Variants in KIRREL3 observed in about 807,000 individuals in gnomAD.
KIRREL3 encodes the protein kirre like nephrin family adhesion molecule 3, also known as kin of IRRE-like protein 3.
Under a neutral mutation model 89.7 loss-of-function variants are expected in KIRREL3, and 36 were observed. The ratio of observed to expected loss-of-function variants is 0.40; its 90% confidence interval spans 0.31 to 0.53. The LOEUF (loss-of-function observed/expected upper bound fraction) is 0.53, where lower values mean the gene tolerates loss of function less well. KIRREL3 is among the 20% of genes least tolerant of loss of function. The pLI, the probability that KIRREL3 is intolerant of heterozygous loss-of-function variation, is 0.49. For missense variants in KIRREL3, 864 were observed against 1,056.6 expected (o/e 0.82, Z 2.53); for synonymous variants, 445 against 441.4 (o/e 1.01, Z -0.10).
chr11:126,509,719 A>T (rs552695607), intron 4 of KIRREL3, among the ~76,000 whole-genome samples: 1 of 152,302 alleles, frequency 6.6e-6, no homozygotes, highest in Non-Finnish European at 1.5e-5. Context: ...AATTGGGCCC[A>T]GCGTGGTAGC....
chr11:126,480,246 T>C (rs11220517), intron 4 of KIRREL3, among the ~76,000 whole-genome samples: 24,389 of 152,252 alleles, frequency 0.16, 2,068 homozygotes, highest in Non-Finnish European at 0.19. Flanking sequence ...TAAAAATACC[T>C]ATCTTGCAGG....
chr11:126,701,969 G>T (rs772510501), intron 1 of KIRREL3, among the ~76,000 whole-genome samples: 2 of 152,124 alleles, frequency 1.3e-5, no homozygotes, highest in Non-Finnish European at 2.9e-5. Flanking sequence ...AGTTACTTAA[G>T]ATTTGTTAGG....
In KIRREL3 at chr11:126,610,096, CT is replaced by C. The variant is rs201760353; in HGVS notation, c.56-47185del. Among the ~76,000 whole-genome samples the C allele has an allele frequency of 9.4e-4, 139 of 147,644 alleles. 1 individual carries two copies. Among genetic ancestry groups the C allele is most frequent in the African/African-American group, 2.2e-3 (90 of 40,442 alleles). On this transcript the variant is annotated intron_variant, in intron 1 of 16. Transcript: ENST00000525144. The surrounding 1 kb of genome is among the most constrained non-coding windows in gnomAD (Gnocchi z 4.6). ...CTGACTCCAAAATCTGTGCTGTTAA[CT>C]TTTTTTTTTTTGAGACAGAATTTTG...
Position 127,000,749 on chromosome 11 carries a change from A to T in KIRREL3, c.-240T>A. Reference sequence around the variant, plus strand: ...AGCCGGGATTGTCAGCAATGTCCCCACTCGGAGAAGATCCATTCTCTGGCT... The same window carrying T: ...AGCCGGGATTGTCAGCAATGTCCCCTCTCGGAGAAGATCCATTCTCTGGCT... On this transcript the variant is annotated 5_prime_UTR_variant, in exon 1 of 17. Transcript: ENST00000525144. This position sits in a 1 kb window ranked among gnomAD's most constrained non-coding sequence, Gnocchi z 7.1. The T allele has an allele frequency of 3.8e-6, 2 of 520,938 alleles. No homozygotes were observed. Among genetic ancestry groups the T allele is most frequent in the Non-Finnish European group, 6.8e-6 (2 of 295,198 alleles). 32.3% of individuals were successfully genotyped at this position (520,938 alleles called of 1,614,324 possible). A position where few individuals can be genotyped will look rare whatever the true frequency, so the allele number is the denominator to read the frequency against.
intron 4 of KIRREL3, among the ~76,000 whole-genome samples, chr11:126,504,839 G>T (rs1034180076): frequency 3.9e-5 from 6 of 152,168 alleles, no homozygotes; most frequent in Admixed American, 3.3e-4. Flanking sequence ...AGGAATTCAA[G>T]GTTGGCTTAA....
In KIRREL3 at chr11:126,705,328, C is replaced by A. The variant is rs899010673; in HGVS notation, c.56-142416G>T. Among the ~76,000 whole-genome samples, 1 of 152,094 alleles carries A rather than the reference C, an allele frequency of 6.6e-6. No homozygotes were observed. The highest frequency in any genetic ancestry group is 6.5e-5 in the Admixed American group (1 of 15,272). Reference sequence around the variant, plus strand: ...GTGGGAGGTGATTGGGTCATGAGGTCGGATTCCTCAGGAATGGTTTGGCAC... The same window carrying A: ...GTGGGAGGTGATTGGGTCATGAGGTAGGATTCCTCAGGAATGGTTTGGCAC... On this transcript the variant is annotated intron_variant, in intron 1 of 16. Transcript: ENST00000525144. The surrounding 1 kb of genome is among the most constrained non-coding windows in gnomAD (Gnocchi z 4.3).
chr11:126,586,226 G>C (rs1193556911), intron 1 of KIRREL3, among the ~76,000 whole-genome samples: 1 of 152,150 alleles, frequency 6.6e-6, no homozygotes, highest in Non-Finnish European at 1.5e-5. Context: ...AATTAGAGCG[G>C]CCACTCCTCA....
Position 126,470,009 on chromosome 11 carries a change from C to T in KIRREL3, c.591+3300G>A, listed in dbSNP as rs535762451. 2.0e-3 allele frequency among the ~76,000 whole-genome samples: 298 copies of T among 152,376 alleles called. 2 individuals are homozygous for T. The highest frequency in any genetic ancestry group is 6.9e-3 in the African/African-American group (285 of 41,592). On this transcript the variant is annotated intron_variant, in intron 5 of 16. Coordinates refer to ENST00000525144, the MANE Select transcript of KIRREL3 (RefSeq NM_032531.4). ...TGCGACTGCCTGGCGCTGCCGTTCCCGTCACAGGCCCAGGAGCATGGATCG... is the reference window on the plus strand; with the variant it reads ...TGCGACTGCCTGGCGCTGCCGTTCCTGTCACAGGCCCAGGAGCATGGATCG...
At chr11:126,951,205 C>G (rs77698264) in intron 1 of KIRREL3, among the ~76,000 whole-genome samples, 9 of 152,096 alleles carry the variant, frequency 5.9e-5, no homozygotes, top group South Asian at 2.1e-4. Flanking sequence ...AAAAGAGGAG[C>G]CTGCACCTTT....
Position 126,651,611 on chromosome 11 carries a change from A to G in KIRREL3, c.56-88699T>C, listed in dbSNP as rs566550216. Among the ~76,000 whole-genome samples the G allele has an allele frequency of 2.4e-4, 36 of 152,354 alleles. 1 individual carries two copies. The South Asian group carries it at 2.5e-3, about 11-fold the overall frequency. ...TTCTGAATTATCTAGGGGATTTATC[A>G]GGTTTGATTATAGATGCATAATGAA... On this transcript the variant is annotated intron_variant, in intron 1 of 16. Transcript: ENST00000525144. This position sits in a 1 kb window ranked among gnomAD's most constrained non-coding sequence, Gnocchi z 4.6.
At chr11:126,660,386 T>C (rs933330946) in intron 1 of KIRREL3, among the ~76,000 whole-genome samples, 4 of 152,246 alleles carry the variant, frequency 2.6e-5, no homozygotes, top group African/African-American at 9.6e-5. Context: ...TGCTGAGACG[T>C]AGGCACATGT....
At chr11:126,458,243 C>T (rs956237464) in intron 6 of KIRREL3, among the ~76,000 whole-genome samples, 2 of 152,196 alleles carry the variant, frequency 1.3e-5, no homozygotes, top group Non-Finnish European at 2.9e-5. Context: ...GGGTCCAGCC[C>T]ATTTCCAGAA....
chr11:126,715,441 T>C lies in KIRREL3; in HGVS notation c.56-152529A>G, dbSNP rs1231607574. Among the ~76,000 whole-genome samples, 1 of 152,156 alleles carries C rather than the reference T, an allele frequency of 6.6e-6. No homozygotes were observed. Among genetic ancestry groups the C allele is most frequent in the East Asian group, 1.9e-4 (1 of 5,196 alleles). ...AGTCAGTGCTCTCCTTTCCTGGGGA[T>C]TGTTGACAGCTCAAGACCACATGGG... On this transcript the variant is annotated intron_variant, in intron 1 of 16. Transcript: ENST00000525144. This position sits in a 1 kb window ranked among gnomAD's most constrained non-coding sequence, Gnocchi z 4.4.
intron 1 of KIRREL3, among the ~76,000 whole-genome samples, chr11:126,760,628 G>A (rs1047120759): frequency 6.6e-6 from 1 of 152,176 alleles, no homozygotes; most frequent in Non-Finnish European, 1.5e-5. Flanking sequence ...AAGTGGGAGA[G>A]CTCTGTTCAG....
Position 126,520,044 on chromosome 11 carries a change from G to A in KIRREL3, c.433+1271C>T, listed in dbSNP as rs909091234. On this transcript the variant is annotated intron_variant, in intron 4 of 16. Coordinates refer to ENST00000525144, the MANE Select transcript of KIRREL3 (RefSeq NM_032531.4). The surrounding 1 kb of genome is among the most constrained non-coding windows in gnomAD (Gnocchi z 4.9). ...GAGGCTGGCCCCAAGTCCCTCCCCC[G>A]CATCTCAAGAAGTCAAGCTCCGAGC... is the stretch of plus-strand genomic sequence containing the variant. Among the ~76,000 whole-genome samples, 1 of 152,132 alleles carries A rather than the reference G, an allele frequency of 6.6e-6. No individual in the cohort carries two copies. The highest frequency in any genetic ancestry group is 1.5e-5 in the Non-Finnish European group (1 of 68,028).
intron 1 of KIRREL3, among the ~76,000 whole-genome samples, chr11:126,775,005 T>G (rs1950129990): frequency 6.6e-6 from 1 of 152,186 alleles, no homozygotes; most frequent in African/African-American, 2.4e-5. Flanking sequence ...AGATGCAGTC[T>G]GTCTTAAGAA....
chr11:126,834,824 C>G (rs1943725730), intron 1 of KIRREL3, among the ~76,000 whole-genome samples: 1 of 152,250 alleles, frequency 6.6e-6, no homozygotes, highest in African/African-American at 2.4e-5. Context: ...AGGAATGCAC[C>G]ACAGCTGGCA....
In KIRREL3 at chr11:126,641,208, C is replaced by T. The variant is rs186467897; in HGVS notation, c.56-78296G>A. ...TCTTCCTTTCACACCCACATCCAAT[C>T]TGTCAATGTAGCCTGTTGTCTCAAA... On this transcript the variant is annotated intron_variant, in intron 1 of 16. Transcript: ENST00000525144. This position sits in a 1 kb window ranked among gnomAD's most constrained non-coding sequence, Gnocchi z 5.0. Among the ~76,000 whole-genome samples, 4 of 152,332 alleles carry T rather than the reference C, an allele frequency of 2.6e-5. No homozygotes were observed. Among genetic ancestry groups the T allele is most frequent in the Admixed American group, 2.6e-4 (4 of 15,298 alleles).
At position 126,772,332 on chromosome 11, in the gene KIRREL3, C is replaced by G. The variant is rs868477724; in HGVS notation, c.56-209420G>C. 6.6e-6 allele frequency among the ~76,000 whole-genome samples: 1 copy of G among 152,136 alleles called. No individual in the cohort carries two copies. Among genetic ancestry groups the G allele is most frequent in the African/African-American group, 2.4e-5 (1 of 41,424 alleles). ...CTCTTAAATTCAAGGCAGCTAAGAC[C>G]GGTTCAGGGACAGAGAACAGCAAGT... On this transcript the variant is annotated intron_variant, in intron 1 of 16. Coordinates refer to ENST00000525144, the MANE Select transcript of KIRREL3 (RefSeq NM_032531.4). This position sits in a 1 kb window ranked among gnomAD's most constrained non-coding sequence, Gnocchi z 4.6.
Sources: allele counts gnomAD v4.1 joint callset (sites outside exome capture counted in the v4.1 genomes callset), GRCh38; gene constraint gnomAD v4.1.1; non-coding constraint Gnocchi (gnomAD v3.1); transcripts MANE v1.5; gene names NCBI Gene and HGNC (gene_info 2026-07-23, HGNC 2026-07-21).